GLS: variants seen among roughly 807,000 people sequenced by gnomAD.
GLS encodes the protein glutaminase.
A neutral mutation model predicts 86.7 loss-of-function variants in GLS; 36 were observed. That is an observed-to-expected ratio of 0.42 (90% CI 0.32 to 0.55). The LOEUF is 0.55. Among genes scored for constraint, GLS ranks in the 20% least tolerant of loss-of-function variants. The probability of loss-of-function intolerance (pLI) is 0.17; values close to 1 mark genes in which losing one functional copy is unlikely to be tolerated. For synonymous variants in GLS, 317 were observed against 305.9 expected, an observed-to-expected ratio of 1.04 and a Z score of -0.38; for missense variants, 528 against 833.4, an observed-to-expected ratio of 0.63 and a Z score of 4.51.
At chr2:190,883,503 T>A (rs2125970993) in intron 1 of GLS, among the ~76,000 whole-genome samples, 1 of 152,198 alleles carries the variant, frequency 6.6e-6, no homozygotes, top group East Asian at 1.9e-4. Flanking sequence ...AAAATTAAAT[T>A]AACATTTTGT....
At position 190,951,853 on chromosome 2, in the gene GLS, C is replaced by T. The variant is rs1690727719; in HGVS notation, c.1651-1712C>T. 6.6e-6 allele frequency among the ~76,000 whole-genome samples: 1 copy of T among 152,162 alleles called. No individual in the cohort carries two copies. Among genetic ancestry groups the T allele is most frequent in the South Asian group, 2.1e-4 (1 of 4,836 alleles). On this transcript the variant is annotated intron_variant, in intron 14 of 17. Transcript: ENST00000320717. The surrounding 1 kb of genome is among the most constrained non-coding windows in gnomAD (Gnocchi z 4.2). ...TTAAAAAAGAAAGACATTAAGGACA[C>T]CTGAAACAGTGGTTTATAACCCAGA...
chr2:190,946,615 G>C (rs919800951), intron 14 of GLS, among the ~76,000 whole-genome samples: 1 of 141,542 alleles, frequency 7.1e-6, no homozygotes, highest in African/African-American at 2.4e-5. Context: ...TGGTAATGGA[G>C]TTAGAAATTA....
chr2:190,948,582 T>C (rs1210848329), intron 14 of GLS, among the ~76,000 whole-genome samples: 1 of 152,210 alleles, frequency 6.6e-6, no homozygotes, highest in East Asian at 1.9e-4. Flanking sequence ...AGATGAGGCT[T>C]TATTGCTTAG....
chr2:190,934,118 C>G (rs970708760), intron 14 of GLS: 2 of 982,424 alleles, frequency 2.0e-6, no homozygotes, highest in African/African-American at 3.5e-5. Context: ...CCTATAATTT[C>G]AAGTTTGTTG....
intron 6 of GLS, among the ~76,000 whole-genome samples, chr2:190,906,716 C>T (rs956909901): frequency 2.0e-5 from 3 of 152,020 alleles, no homozygotes; most frequent in African/African-American, 7.2e-5. Context: ...TTTAGTTTAG[C>T]CCAGCAAAAA....
intron 14 of GLS, among the ~76,000 whole-genome samples, chr2:190,950,678 G>T (rs1690697278): frequency 6.6e-6 from 1 of 152,096 alleles, no homozygotes; most frequent in African/African-American, 2.4e-5. Flanking sequence ...AAGAGCGTGG[G>T]CTGGTAACCC....
chr2:190,886,651 C>T (rs927810445), intron 1 of GLS, among the ~76,000 whole-genome samples: 2 of 152,158 alleles, frequency 1.3e-5, no homozygotes, highest in Non-Finnish European at 2.9e-5. Flanking sequence ...CGTGGTGGCT[C>T]ATGCCCGTAA....
intron 14 of GLS, among the ~76,000 whole-genome samples, chr2:190,945,723 A>G (rs1690562844): frequency 6.6e-6 from 1 of 152,060 alleles, no homozygotes; most frequent in South Asian, 2.1e-4. Context: ...TTTATTACTT[A>G]GCAAAGTCAA....
At chr2:190,899,590 A>G (rs1200676117) in intron 3 of GLS, among the ~76,000 whole-genome samples, 1 of 152,166 alleles carries the variant, frequency 6.6e-6, no homozygotes, top group African/African-American at 2.4e-5. Context: ...AAGATTTATT[A>G]TCGTTGGTAT....
chr2:190,926,333 A>G (rs776650245), intron 11 of GLS, among the ~76,000 whole-genome samples: 3 of 152,138 alleles, frequency 2.0e-5, no homozygotes, highest in Non-Finnish European at 2.9e-5. Context: ...TTTGAGAAAT[A>G]GGGAAGAGAT....
rs1291908224 is a variant in GLS at position 190,956,976 on chromosome 2, G to C, written c.1853+2158G>C. Among the ~76,000 whole-genome samples, 9 of 152,314 alleles carry C rather than the reference G, an allele frequency of 5.9e-5. No homozygotes were observed. The East Asian group carries it at 1.5e-3, about 26-fold the overall frequency. ...TTTTGTATCTTGAGACTTTGCTGAA[G>C]TTGCTTATCAGCTTAAGGAGATTTT... is the stretch of plus-strand genomic sequence containing the variant. On this transcript the variant is annotated intron_variant, in intron 17 of 17. Coordinates refer to ENST00000320717, the MANE Select transcript of GLS (RefSeq NM_014905.5). The surrounding 1 kb of genome is among the most constrained non-coding windows in gnomAD (Gnocchi z 4.2).
intron 1 of GLS, among the ~76,000 whole-genome samples, chr2:190,893,459 G>C (rs993664155): frequency 2.6e-5 from 4 of 152,100 alleles, no homozygotes; most frequent in Non-Finnish European, 5.9e-5. Context: ...CTATGTTTTG[G>C]ATAACAGTAG....
chr2:190,936,250 A>G (rs1690265356), intron 14 of GLS, among the ~76,000 whole-genome samples: 1 of 151,180 alleles, frequency 6.6e-6, no homozygotes, highest in South Asian at 2.1e-4. Context: ...TTTAATAGGC[A>G]TATATTTATG....
rs201730135 is a variant in GLS, at chr2:190,924,533, G to T, written c.1198-10G>T. 5.7e-4 allele frequency: 883 copies of T among 1,537,656 alleles called. 9 individuals are homozygous for T. In the African/African-American group the frequency reaches 0.011, roughly 18 times the overall value. On this transcript the variant is annotated splice_polypyrimidine_tract_variant and intron_variant, in intron 10 of 17. Transcript: ENST00000320717. The surrounding 1 kb of genome is among the most constrained non-coding windows in gnomAD (Gnocchi z 5.2). ...GCCTGAATTTTTAATTGCCTTTCTG[G>T]TTTTTTTAGTGTTTTCCAGAAGGCA...
chr2:190,929,594 C>T (rs977780603), intron 12 of GLS, among the ~76,000 whole-genome samples: 2 of 151,412 alleles, frequency 1.3e-5, no homozygotes, highest in African/African-American at 4.9e-5. Flanking sequence ...CGCAGCCTCC[C>T]GAGTAGCTGG....
At chr2:190,900,405 G>A (rs1030662064) in intron 3 of GLS, among the ~76,000 whole-genome samples, 159 bp from the exon 4 acceptor site, 2 of 152,114 alleles carry the variant, frequency 1.3e-5, no homozygotes, top group South Asian at 4.1e-4. Flanking sequence ...AAGACTGCTA[G>A]AAGGAAAGAT....
chr2:190,913,561 A>G lies in GLS; in HGVS notation c.1038+3240A>G. 1 of 964,616 alleles carries G rather than the reference A, an allele frequency of 1.0e-6. No homozygotes were observed. The highest frequency in any genetic ancestry group is 1.2e-6 in the Non-Finnish European group (1 of 810,984). The allele number at this position is 964,616 out of a possible 1,614,324, so 59.8% of individuals were successfully genotyped here. A position where few individuals can be genotyped will look rare whatever the true frequency, so the allele number is the denominator to read the frequency against. On this transcript the variant is annotated intron_variant, in intron 7 of 17. Coordinates refer to ENST00000320717, the MANE Select transcript of GLS (RefSeq NM_014905.5). This position sits in a 1 kb window ranked among gnomAD's most constrained non-coding sequence, Gnocchi z 6.1. ...TTGATTAAAAGGAAAGAACAAAAAT[A>G]AATTTGAAAGGAACAGTTATTTTTA...
At chr2:190,900,761 A>G (rs1688913205) in intron 4 of GLS, 68 bp downstream of exon 4, 1 of 1,263,450 alleles carries the variant, frequency 7.9e-7, no homozygotes, top group Non-Finnish European at 1.1e-6. Context: ...TTTGAGGTCT[A>G]GAGAGTAAAT....
rs1184923626 is a variant in GLS, at chr2:190,965,032, C to CT, written c.*2047dup. 6.6e-6 allele frequency: 1 copy of CT among 152,042 alleles called. No individual in the cohort carries two copies. The highest frequency in any genetic ancestry group is 2.4e-5 in the African/African-American group (1 of 41,410). The allele number at this position is 152,042 out of a possible 1,614,324, so 9.4% of individuals were successfully genotyped here. Reference sequence around the variant, plus strand: ...TATTTACCCCTGATGTTATTTATGACTATGTGCCGATTCCTGCTCGGGCTG... The same window carrying CT: ...TATTTACCCCTGATGTTATTTATGACTTATGTGCCGATTCCTGCTCGGGCTG... On this transcript the variant is annotated 3_prime_UTR_variant, in exon 18 of 18. Transcript: ENST00000320717. The surrounding 1 kb of genome is among the most constrained non-coding windows in gnomAD (Gnocchi z 5.0).
Sources: gnomAD v4.1 joint callset for allele counts (sites outside exome capture counted in the v4.1 genomes callset) on GRCh38, gnomAD v4.1.1 for gene constraint, Gnocchi (gnomAD v3.1) non-coding constraint, MANE v1.5 for transcripts, NCBI Gene and HGNC (gene_info 2026-07-23, HGNC 2026-07-21) for gene names.